Variants in MYO1D observed in about 807,000 individuals in gnomAD.
MYO1D encodes unconventional myosin-Id.
Under a neutral mutation model 122.0 loss-of-function variants are expected in MYO1D, and 83 were observed. The observed-to-expected ratio is 0.68, with a 90% CI of 0.57 to 0.82. The LOEUF (loss-of-function observed/expected upper bound fraction) is 0.82. Among genes scored for constraint, MYO1D ranks in the 40% least tolerant of loss-of-function variants. The pLI is 0.00. For synonymous variants in MYO1D, 464 were observed against 446.9 expected (o/e 1.04, Z -0.48); for missense variants, 1,157 against 1,269.5 (o/e 0.91, Z 1.35).
intron 19 of MYO1D, among the ~76,000 whole-genome samples, chr17:32,651,616 G>A (rs1343857776): frequency 6.7e-6 from 1 of 150,120 alleles, no homozygotes; most frequent in East Asian, 2.0e-4. Context: ...CCACTGTCTT[G>A]AAAACCACTG....
intron 1 of MYO1D, among the ~76,000 whole-genome samples, chr17:32,816,781 A>G (rs192782280): frequency 7.2e-5 from 11 of 152,246 alleles, no homozygotes; most frequent in Non-Finnish European, 1.5e-4. Context: ...TGGATGTAGC[A>G]TAAGTATGAG....
At chr17:32,553,158 C>T (rs2087036389) in intron 21 of MYO1D, among the ~76,000 whole-genome samples, 2 of 151,878 alleles carry the variant, frequency 1.3e-5, no homozygotes. Context: ...GGGATATGTC[C>T]CTGGTGAATG....
chr17:32,573,069 T>C (rs539493181), intron 21 of MYO1D, among the ~76,000 whole-genome samples: 8 of 123,646 alleles, frequency 6.5e-5, no homozygotes, highest in East Asian at 2.1e-4. Flanking sequence ...ATACAAGGCA[T>C]TGAAAAAATA....
chr17:32,773,697 C>A (rs1342815659), intron 4 of MYO1D, among the ~76,000 whole-genome samples: 3 of 152,112 alleles, frequency 2.0e-5, no homozygotes, highest in Non-Finnish European at 4.4e-5. Context: ...AACCTAAACA[C>A]CTTATTTTCT....
chr17:32,613,870 C>T (rs1011545498), intron 20 of MYO1D, among the ~76,000 whole-genome samples: 7 of 148,442 alleles, frequency 4.7e-5, no homozygotes, highest in Non-Finnish European at 8.9e-5. Flanking sequence ...TATGTATTAT[C>T]CGTGTGCTTG....
chr17:32,496,595 G>A (rs989008603), intron 21 of MYO1D, among the ~76,000 whole-genome samples: 1 of 152,150 alleles, frequency 6.6e-6, no homozygotes, highest in African/African-American at 2.4e-5. Context: ...TGCAGCCCTC[G>A]TGCTGGACCA....
At chr17:32,779,945 G>C (rs1341677805) in intron 2 of MYO1D, among the ~76,000 whole-genome samples, 1 of 152,180 alleles carries the variant, frequency 6.6e-6, no homozygotes, top group Non-Finnish European at 1.5e-5. Context: ...CCCACAATTT[G>C]GGAGAGGCCA....
At chr17:32,548,387 C>G (rs1043508292) in intron 21 of MYO1D, among the ~76,000 whole-genome samples, 1 of 151,178 alleles carries the variant, frequency 6.6e-6, no homozygotes, top group Admixed American at 6.6e-5. Flanking sequence ...AAGATCGCGC[C>G]ACTGCACTCC....
rs140144405 is a variant in MYO1D, at chr17:32,654,194, T to G, written c.2491-247A>C. On this transcript the variant is annotated intron_variant, in intron 18 of 21. Coordinates refer to ENST00000318217, the MANE Select transcript of MYO1D (RefSeq NM_015194.3). The stretch of plus-strand genomic sequence containing the variant: ...GGAATAATTAATATAAAGGTAGTAA[T>G]TAAAAAATCGTCACTGAATGATGTA... Among the ~76,000 whole-genome samples, 572 of 152,272 alleles carry G rather than the reference T, an allele frequency of 3.8e-3. 4 individuals carry two copies. The highest frequency in any genetic ancestry group is 0.013 in the African/African-American group (537 of 41,542).
chr17:32,778,491 T>C lies in MYO1D; in HGVS notation c.387A>G (p.Ala129=). The C allele has an allele frequency of 6.2e-7, 1 of 1,613,058 alleles. No individual in the cohort carries two copies. Among genetic ancestry groups the C allele is most frequent in the Non-Finnish European group, 8.5e-7 (1 of 1,179,016 alleles). The part of the protein sequence containing the change: ...IAAITNPSQR[A]EVERVKNMLL... ...TAGAGTGCTCTTACCTTTCAACCTC[T>C]GCTCTCTGACTGGGGTTGGTGATGG... Residue 129 remains alanine (A), a synonymous_variant, in exon 3 of 22, where the codon GCA becomes GCG. Coordinates refer to ENST00000318217, the MANE Select transcript of MYO1D (RefSeq NM_015194.3).
intron 14 of MYO1D, among the ~76,000 whole-genome samples, chr17:32,721,718 C>T (rs185286656): frequency 5.8e-4 from 89 of 152,214 alleles, no homozygotes; most frequent in East Asian, 2.3e-3. Flanking sequence ...TTAAACTTCA[C>T]GGGTAAGTAG....
At chr17:32,507,653 G>A (rs1390469856) in intron 21 of MYO1D, among the ~76,000 whole-genome samples, 1 of 152,190 alleles carries the variant, frequency 6.6e-6, no homozygotes, top group East Asian at 1.9e-4. Context: ...GGACTGAATT[G>A]TGTCCCCTCC....
intron 16 of MYO1D, among the ~76,000 whole-genome samples, chr17:32,702,594 T>G (rs1056132211): frequency 6.6e-6 from 1 of 152,224 alleles, no homozygotes; most frequent in Non-Finnish European, 1.5e-5. Flanking sequence ...AGTGCTATTC[T>G]GCTTTTGGAA....
chr17:32,658,831 G>GC, intron 17 of MYO1D: 2 of 390,418 alleles, frequency 5.1e-6, no homozygotes, highest in Non-Finnish European at 9.3e-6. Flanking sequence ...ATAAAAGTAA[G>GC]TAGAAACAGC....
intron 21 of MYO1D, among the ~76,000 whole-genome samples, chr17:32,507,251 A>AAC (rs897335187): frequency 6.6e-6 from 1 of 152,062 alleles, no homozygotes; most frequent in African/African-American, 2.4e-5. Context: ...AAATAAAAAA[A>AAC]AAACTAGCCA....
rs200090879 is a variant in MYO1D at position 32,760,546 on chromosome 17, G to T, written c.1117C>A (p.His373Asn). 22 of 1,613,770 alleles carry T rather than the reference G, an allele frequency of 1.4e-5. No homozygotes were observed. In the African/African-American group the frequency reaches 2.4e-4, roughly 18 times the overall value. The change falls in exon 9 of 22, where the codon CAT becomes AAT. Residue 373 changes from histidine to asparagine, a missense_variant. His to Asn is a moderately conservative substitution (Grantham distance 68, BLOSUM62 1). Coordinates refer to ENST00000318217, the MANE Select transcript of MYO1D (RefSeq NM_015194.3). ...IEVKNYDTTI[H>N]GKNTVIGVLD... The stretch of plus-strand genomic sequence containing the variant: ...ACACCAATAACAGTGTTTTTCCCAT[G>T]GATTGTGGTGTCATAGTTCTTGACC...
At chr17:32,706,571 T>C (rs929907137) in intron 16 of MYO1D, among the ~76,000 whole-genome samples, 4 of 152,204 alleles carry the variant, frequency 2.6e-5, no homozygotes, top group Admixed American at 1.3e-4. Flanking sequence ...CATGAATGTA[T>C]GGAAGATTAA....
chr17:32,716,537 C>T lies in MYO1D; in HGVS notation c.1914-4342G>A, dbSNP rs1294322453. Among the ~76,000 whole-genome samples the T allele has an allele frequency of 2.0e-5, 3 of 152,140 alleles. No homozygotes were observed. In the East Asian group the frequency reaches 5.8e-4, roughly 29 times the overall value. ...AAATCATTTAAAGCCTACTCACTTG[C>T]TAGATGGGGGCAGAGATCAAAGCCA... On this transcript the variant is annotated intron_variant, in intron 15 of 21. Transcript: ENST00000318217.
At chr17:32,845,381 CA>C (rs2090926807) in intron 1 of MYO1D, among the ~76,000 whole-genome samples, 1 of 151,962 alleles carries the variant, frequency 6.6e-6, no homozygotes, top group African/African-American at 2.4e-5. Context: ...AGATTATCAA[CA>C]AAAAGTGGTT....
Sources: allele counts gnomAD v4.1 joint callset (sites outside exome capture counted in the v4.1 genomes callset), GRCh38; gene constraint gnomAD v4.1.1; transcripts MANE v1.5; gene names NCBI Gene and HGNC (gene_info 2026-07-23, HGNC 2026-07-21).